Variants in ABCB1 observed in about 807,000 individuals in gnomAD.
ABCB1 encodes ATP-dependent translocase ABCB1.
ABCB1 carries 69 observed loss-of-function variants against 142.0 expected under a neutral mutation model. The observed-to-expected ratio is 0.49, with a 90% CI of 0.40 to 0.59. The LOEUF (loss-of-function observed/expected upper bound fraction) is 0.59. Ranked by LOEUF, ABCB1 falls within the 20% of genes least tolerant of loss-of-function variation. The probability of loss-of-function intolerance (pLI) is 0.00; values close to 1 mark genes in which losing one functional copy is unlikely to be tolerated. For synonymous variants in ABCB1, 532 were observed against 539.2 expected, an observed-to-expected ratio of 0.99 and a Z score of 0.18; for missense variants, 1,326 against 1,554.7, an observed-to-expected ratio of 0.85 and a Z score of 2.47.
At chr7:87,612,816 A>G (rs937367145) in intron 1 of ABCB1, among the ~76,000 whole-genome samples, 1 of 152,058 alleles carries the variant, frequency 6.6e-6, no homozygotes, top group African/African-American at 2.4e-5. Flanking sequence ...TGGTATTTTG[A>G]TAGGAATTGC....
At chr7:87,676,423 A>G (rs539121570) in intron 1 of ABCB1, among the ~76,000 whole-genome samples, 128 of 152,280 alleles carry the variant, frequency 8.4e-4, no homozygotes, top group African/African-American at 3.0e-3. Flanking sequence ...CAAAGAGGCC[A>G]GGCGCAGTGG....
intron 3 of ABCB1, among the ~76,000 whole-genome samples, chr7:87,592,668 T>A (rs574851507): frequency 1.3e-5 from 2 of 152,356 alleles, no homozygotes; most frequent in East Asian, 3.9e-4. Flanking sequence ...TTGAATGCAT[T>A]ACTTAACTTC....
rs143279626 is a variant in ABCB1, at chr7:87,681,114, A to G, written c.-331+32047T>C. 2.0e-5 allele frequency among the ~76,000 whole-genome samples: 3 copies of G among 150,704 alleles called. 1 individual carries two copies. In the East Asian group the frequency reaches 6.0e-4, roughly 30 times the overall value. ...AGGAAATGGGCCAATTTCTTGAAAG[A>G]CAAATCCTAACAAAACTCATAAAGA... On this transcript the variant is annotated intron_variant, in intron 1 of 28. Transcript: ENST00000265724.
chr7:87,583,040 GAAAATTGAGGTAGTATCACAGAATTTTGT>G (rs1379117277), intron 4 of ABCB1, among the ~76,000 whole-genome samples: 1 of 152,138 alleles, frequency 6.6e-6, no homozygotes, highest in Non-Finnish European at 1.5e-5. Flanking sequence ...CAACAACTAT[GAAAATTGAGGTAGTATCACAGAATTTTGT>G]AAAGAAGAAA....
intron 4 of ABCB1, among the ~76,000 whole-genome samples, chr7:87,575,251 T>C (rs1818224516): frequency 6.6e-6 from 1 of 152,212 alleles, no homozygotes; most frequent in Non-Finnish European, 1.5e-5. Flanking sequence ...ATAACATGGA[T>C]ACATTAGTAT....
chr7:87,630,718 A>G (rs1380456584), intron 1 of ABCB1, among the ~76,000 whole-genome samples: 3 of 150,258 alleles, frequency 2.0e-5, no homozygotes, highest in Admixed American at 2.0e-4. Context: ...AATTCTCAGT[A>G]TAGCATCTAA....
chr7:87,516,484 C>T, intron 24 of ABCB1, 25 bp downstream of exon 24: 5 of 1,614,020 alleles, frequency 3.1e-6, no homozygotes, highest in Non-Finnish European at 4.2e-6. Context: ...AGGAGTAGAT[C>T]AAACAGTTGA....
chr7:87,699,479 C>T (rs138149152), intron 1 of ABCB1, among the ~76,000 whole-genome samples: 227 of 152,268 alleles, frequency 1.5e-3, no homozygotes, highest in African/African-American at 5.0e-3. Flanking sequence ...CCTCAGCTCA[C>T]TGCAACCTTC....
At chr7:87,563,216 C>T (rs1224859815) in intron 7 of ABCB1, among the ~76,000 whole-genome samples, 1 of 152,156 alleles carries the variant, frequency 6.6e-6, no homozygotes, top group South Asian at 2.1e-4. Flanking sequence ...GAATTCATGG[C>T]TGAATTCTGC....
At position 87,709,506 on chromosome 7, in the gene ABCB1, T is replaced by C. The variant is rs148110246; in HGVS notation, c.-331+3655A>G. 1,008 of 985,416 alleles carry C rather than the reference T, an allele frequency of 1.0e-3. 10 individuals carry two copies. The African/African-American group carries it at 0.016, about 16-fold the overall frequency. 61.0% of individuals were successfully genotyped at this position (985,416 alleles called of 1,614,324 possible). On this transcript the variant is annotated intron_variant, in intron 1 of 28. Transcript: ENST00000265724. ...GGCAAGCTAAAAGGGATGTTGAGCT[T>C]GGTAGGTAAATTGACTCGCATGCTA...
chr7:87,638,155 TA>T (rs1388372348), intron 1 of ABCB1, among the ~76,000 whole-genome samples: 1 of 152,108 alleles, frequency 6.6e-6, no homozygotes. Context: ...CACTCTGGAA[TA>T]AAAAAACAAT....
chr7:87,684,443 A>G (rs1441483449), intron 1 of ABCB1, among the ~76,000 whole-genome samples: 1 of 152,186 alleles, frequency 6.6e-6, no homozygotes, highest in East Asian at 1.9e-4. Flanking sequence ...GTTAAGATGC[A>G]GTAATCAGTG....
chr7:87,518,730 C>T (rs1815357905), intron 23 of ABCB1, among the ~76,000 whole-genome samples: 1 of 152,172 alleles, frequency 6.6e-6, no homozygotes, highest in South Asian at 2.1e-4. Flanking sequence ...CTTTTGACCA[C>T]CAAATTGCAT....
At chr7:87,655,823 T>C (rs1003008979) in intron 1 of ABCB1, among the ~76,000 whole-genome samples, 1 of 152,118 alleles carries the variant, frequency 6.6e-6, no homozygotes, top group African/African-American at 2.4e-5. Flanking sequence ...GTGGGGCTTT[T>C]TGGGAGGTGT....
intron 20 of ABCB1, among the ~76,000 whole-genome samples, chr7:87,535,568 A>G (rs1816252444): frequency 6.6e-6 from 1 of 152,198 alleles, no homozygotes; most frequent in South Asian, 2.1e-4. Flanking sequence ...TATTAAAACA[A>G]CAATTACTAA....
intron 1 of ABCB1, chr7:87,700,529 A>G: frequency 6.2e-7 from 1 of 1,613,256 alleles, no homozygotes; most frequent in Non-Finnish European, 8.5e-7. Context: ...GAAAATATGG[A>G]AAATGTCAGT....
chr7:87,503,299 G>A lies in ABCB1; in HGVS notation c.*944C>T, dbSNP rs903072807. On this transcript the variant is annotated 3_prime_UTR_variant, in exon 28 of 28. Transcript: ENST00000622132. The stretch of plus-strand genomic sequence containing the variant: ...TTTGGCTAATTTAAAAAAATTTGTC[G>A]TCCAGAGTCCCAACCTTTGGAATAT... Among the ~76,000 whole-genome samples, 7 of 151,646 alleles carry A rather than the reference G, an allele frequency of 4.6e-5. No homozygotes were observed. The highest frequency in any genetic ancestry group is 7.4e-5 in the Non-Finnish European group (5 of 67,938).
At chr7:87,628,720 T>G in intron 1 of ABCB1, 1 of 681,104 alleles carries the variant, frequency 1.5e-6, no homozygotes, top group Non-Finnish European at 2.1e-6. Flanking sequence ...TCCTACATCC[T>G]TCCCGCGCCC....
chr7:87,551,772 A>T (rs1817082848), intron 9 of ABCB1, among the ~76,000 whole-genome samples: 1 of 152,238 alleles, frequency 6.6e-6, no homozygotes, highest in South Asian at 2.1e-4. Flanking sequence ...TTGCTCAATA[A>T]ACAATGATTT....
Sources: gnomAD v4.1 joint callset for allele counts (sites outside exome capture counted in the v4.1 genomes callset) on GRCh38, gnomAD v4.1.1 for gene constraint, MANE v1.5 for transcripts, NCBI Gene and HGNC (gene_info 2026-07-23, HGNC 2026-07-21) for gene names.